GLP1R: variants seen among roughly 807,000 people sequenced by gnomAD.
GLP1R encodes the protein glucagon-like peptide 1 receptor.
A neutral mutation model predicts 68.4 loss-of-function variants in GLP1R; 32 were observed. That is an observed-to-expected ratio of 0.47 (90% CI 0.35 to 0.63). The LOEUF is 0.63. Ranked by LOEUF, GLP1R falls within the 20% of genes least tolerant of loss-of-function variation. The pLI is 0.00. For missense variants in GLP1R, 502 were observed against 594.9 expected (o/e 0.84, Z 1.62); for synonymous variants, 263 against 244.4 (o/e 1.08, Z -0.71).
intron 5 of GLP1R, 35 bp downstream of exon 5, chr6:39,066,338 C>T (rs1314978058): frequency 9.0e-7 from 1 of 1,108,302 alleles, no homozygotes; most frequent in Non-Finnish European, 1.4e-6. Flanking sequence ...GGGGCTGCTT[C>T]ATCCTAACTC....
chr6:39,078,834 C>T lies in GLP1R; in HGVS notation c.885-123C>T, dbSNP rs561559207. ...CCATGGGACTGGTTTTTGGGTGGCT[C>T]CTGGGAGCTGTGTGTGTGGCACTCA... On this transcript the variant is annotated intron_variant, in intron 8 of 12. Coordinates refer to ENST00000373256, the MANE Select transcript of GLP1R (RefSeq NM_002062.5). 1.7e-4 allele frequency: 143 copies of T among 839,060 alleles called. No homozygotes were observed. The African/African-American group carries it at 2.1e-3, about 12-fold the overall frequency. The allele number at this position is 839,060 out of a possible 1,614,324, so 52.0% of individuals were successfully genotyped here.
intron 1 of GLP1R, among the ~76,000 whole-genome samples, chr6:39,051,566 T>G (rs1249215832): frequency 6.6e-6 from 1 of 152,090 alleles, no homozygotes; most frequent in African/African-American, 2.4e-5. Flanking sequence ...CATCCTGCCC[T>G]CGAATGCCTT....
At chr6:39,058,650 T>G (rs1389185622) in intron 3 of GLP1R, among the ~76,000 whole-genome samples, 1 of 148,518 alleles carries the variant, frequency 6.7e-6, no homozygotes, top group Non-Finnish European at 1.5e-5. Flanking sequence ...CCTATCATCA[T>G]CATCATCATC....
intron 7 of GLP1R, among the ~76,000 whole-genome samples, chr6:39,076,290 T>G (rs1042287755): frequency 3.9e-5 from 6 of 152,186 alleles, no homozygotes; most frequent in Non-Finnish European, 7.3e-5. Flanking sequence ...CCATTCTCAC[T>G]GGGCATCTTC....
At chr6:39,062,058 C>T (rs742764) in intron 3 of GLP1R, among the ~76,000 whole-genome samples, 58,611 of 152,076 alleles carry the variant, frequency 0.39, 11,580 homozygotes, top group East Asian at 0.49. Flanking sequence ...GGTGCAGGAG[C>T]TAATGGATTC....
At chr6:39,069,838 C>T (rs933085417) in intron 5 of GLP1R, among the ~76,000 whole-genome samples, 1 of 152,034 alleles carries the variant, frequency 6.6e-6, no homozygotes. Context: ...TTAGTCTGTG[C>T]CTGCTGTTAT....
intron 2 of GLP1R, among the ~76,000 whole-genome samples, chr6:39,056,760 T>C (rs977660762): frequency 2.0e-5 from 3 of 152,250 alleles, no homozygotes; most frequent in African/African-American, 7.2e-5. Context: ...ATTTGGCCCT[T>C]ACTCGTTTGC....
chr6:39,085,847 C>T, intron 12 of GLP1R, 59 bp from the exon 13 acceptor site: 1 of 1,515,396 alleles, frequency 6.6e-7, no homozygotes, highest in Non-Finnish European at 9.1e-7. Context: ...ATAGTGGGGC[C>T]ATTTTGTTAG....
intron 3 of GLP1R, among the ~76,000 whole-genome samples, chr6:39,057,989 G>A (rs1456273757): frequency 2.0e-5 from 3 of 152,202 alleles, no homozygotes; most frequent in Non-Finnish European, 2.9e-5. Flanking sequence ...AATGTCTTTA[G>A]GCCTCCTAGT....
intron 5 of GLP1R, among the ~76,000 whole-genome samples, chr6:39,068,425 T>C (rs548984134): frequency 1.3e-5 from 2 of 152,296 alleles, no homozygotes; most frequent in East Asian, 3.9e-4. Flanking sequence ...CTGCTAGTCA[T>C]TGCCCTAGTC....
At chr6:39,080,061 C>T (rs968813370) in intron 11 of GLP1R, among the ~76,000 whole-genome samples, 1 of 152,280 alleles carries the variant, frequency 6.6e-6, no homozygotes, top group East Asian at 1.9e-4. Context: ...CCTCACTTTA[C>T]AGAGGAGACT....
At chr6:39,062,097 C>G (rs886588553) in intron 3 of GLP1R, among the ~76,000 whole-genome samples, 3 of 152,200 alleles carry the variant, frequency 2.0e-5, no homozygotes, top group Non-Finnish European at 2.9e-5. Flanking sequence ...CCCTGAGTGC[C>G]AGCATCCACG....
At chr6:39,078,027 G>C (rs1768878588) in intron 7 of GLP1R, among the ~76,000 whole-genome samples, 1 of 152,052 alleles carries the variant, frequency 6.6e-6, no homozygotes, top group Non-Finnish European at 1.5e-5. Flanking sequence ...CTGTGGCCTG[G>C]TAACTTAGCC....
intron 7 of GLP1R, 140 bp from the exon 8 acceptor site, chr6:39,078,182 A>G: frequency 1.5e-6 from 1 of 676,848 alleles, no homozygotes; most frequent in South Asian, 1.7e-5. Flanking sequence ...CCCAGAAAAA[A>G]ACTAGAAAAC....
intron 1 of GLP1R, among the ~76,000 whole-genome samples, chr6:39,051,341 A>T (rs769943745): frequency 6.6e-6 from 1 of 152,190 alleles, no homozygotes; most frequent in Non-Finnish European, 1.5e-5. Context: ...AAATGGCAGA[A>T]CTGACCCATT....
chr6:39,053,715 C>G lies in GLP1R; in HGVS notation c.79-2682C>G, dbSNP rs913866628. Among the ~76,000 whole-genome samples, 6 of 152,202 alleles carry G rather than the reference C, an allele frequency of 3.9e-5. No individual in the cohort carries two copies. The East Asian group carries it at 9.6e-4, about 24-fold the overall frequency. On this transcript the variant is annotated intron_variant, in intron 1 of 12. Coordinates refer to ENST00000373256, the MANE Select transcript of GLP1R (RefSeq NM_002062.5). ...ACAACTCTTGCACTCGGTTGCAAACCTAATATCTGGGTGACCCAGGTCCAG... is the reference window on the plus strand; with the variant it reads ...ACAACTCTTGCACTCGGTTGCAAACGTAATATCTGGGTGACCCAGGTCCAG...
intron 3 of GLP1R, 134 bp downstream of exon 3, chr6:39,057,713 T>C: frequency 1.7e-6 from 1 of 603,660 alleles, no homozygotes; most frequent in Non-Finnish European, 3.0e-6. Flanking sequence ...CCAGCAGTGG[T>C]GAGCCCCCTC....
At chr6:39,076,795 C>T (rs1768841944) in intron 7 of GLP1R, among the ~76,000 whole-genome samples, 3 of 152,168 alleles carry the variant, frequency 2.0e-5, no homozygotes, top group African/African-American at 7.2e-5. Context: ...ACAGCCAGTG[C>T]AGAAGGCCAT....
chr6:39,056,372 C>A (rs777081758), intron 1 of GLP1R, 25 bp from the exon 2 acceptor site: 37 of 1,249,822 alleles, frequency 3.0e-5, no homozygotes, highest in Non-Finnish European at 4.3e-5. Context: ...AACCCACAGG[C>A]CTCCCATATA....
Sources: allele counts gnomAD v4.1 joint callset (sites outside exome capture counted in the v4.1 genomes callset), GRCh38; gene constraint gnomAD v4.1.1; transcripts MANE v1.5; gene names NCBI Gene and HGNC (gene_info 2026-07-23, HGNC 2026-07-21).